Variants in BIRC6 observed in about 807,000 individuals in gnomAD.
BIRC6 encodes the protein dual E2 ubiquitin-conjugating enzyme/E3 ubiquitin-protein ligase BIRC6.
Under a neutral mutation model 503.3 loss-of-function variants are expected in BIRC6, and 98 were observed. The ratio of observed to expected loss-of-function variants is 0.19; its 90% CI spans 0.17 to 0.23. The LOEUF (loss-of-function observed/expected upper bound fraction) is 0.23. BIRC6 is among the 10% of genes least tolerant of loss of function. The probability of loss-of-function intolerance (pLI) is 1.00; values close to 1 mark genes in which losing one functional copy is unlikely to be tolerated. For missense variants in BIRC6, 5,360 were observed against 5,806.0 expected (o/e 0.92, Z 2.50); for synonymous variants, 2,240 against 2,078.7 (o/e 1.08, Z -2.11).
intron 10 of BIRC6, among the ~76,000 whole-genome samples, chr2:32,424,609 G>A (rs1166736091): frequency 2.6e-5 from 4 of 151,158 alleles, no homozygotes; most frequent in East Asian, 1.9e-4. Flanking sequence ...TTGCCTCCCC[G>A]GCTCTAGTGA....
At chr2:32,475,069 G>T (rs954350555) in intron 33 of BIRC6, among the ~76,000 whole-genome samples, 1 of 150,594 alleles carries the variant, frequency 6.6e-6, no homozygotes, top group Non-Finnish European at 1.5e-5. Context: ...GGAGGATGAG[G>T]CAGGAGAATC....
At chr2:32,380,927 G>A (rs1285537878) in intron 3 of BIRC6, among the ~76,000 whole-genome samples, 1 of 152,092 alleles carries the variant, frequency 6.6e-6, no homozygotes, top group African/African-American at 2.4e-5. Flanking sequence ...GATAAGAATG[G>A]ACTATGTCTT....
intron 17 of BIRC6, among the ~76,000 whole-genome samples, chr2:32,441,852 A>T (rs893581398): frequency 6.6e-6 from 1 of 152,228 alleles, no homozygotes; most frequent in African/African-American, 2.4e-5. Flanking sequence ...AAAAGAAATT[A>T]TACACATTCC....
At chr2:32,428,732 A>C (rs958450496) in intron 10 of BIRC6, among the ~76,000 whole-genome samples, 1 of 152,224 alleles carries the variant, frequency 6.6e-6, no homozygotes, top group Non-Finnish European at 1.5e-5. Context: ...TTTAAAAAAT[A>C]AGAGTATTTG....
chr2:32,422,009 G>A lies in BIRC6; in HGVS notation c.2872+5846G>A, dbSNP rs193242072. On this transcript the variant is annotated intron_variant, in intron 10 of 73. Coordinates refer to ENST00000421745, the MANE Select transcript of BIRC6 (RefSeq NM_016252.4). ...TGACTTTTGGCTCTTTTGTTAGACT[G>A]TTTCATAATTGTTACATCGTTCTGA... Among the ~76,000 whole-genome samples the A allele has an allele frequency of 2.0e-5, 3 of 152,158 alleles. No individual in the cohort carries two copies. In the East Asian group the frequency reaches 5.8e-4, roughly 29 times the overall value.
At chr2:32,586,378 A>G (rs184687200) in intron 66 of BIRC6, among the ~76,000 whole-genome samples, 2 of 149,744 alleles carry the variant, frequency 1.3e-5, no homozygotes, top group East Asian at 3.9e-4. Flanking sequence ...TTTATGTTTC[A>G]CGACAGTTTT....
chr2:32,525,296 T>C (rs1447011993), intron 58 of BIRC6, among the ~76,000 whole-genome samples, 168 bp from the exon 59 acceptor site: 1 of 152,242 alleles, frequency 6.6e-6, no homozygotes, highest in African/African-American at 2.4e-5. Context: ...TTATTTGTTG[T>C]CATGAAGGAC....
chr2:32,500,159 GTTTT>G (rs749882149), intron 46 of BIRC6, 50 bp downstream of exon 46: 1 of 1,428,624 alleles, frequency 7.0e-7, no homozygotes, highest in Non-Finnish European at 9.4e-7. Flanking sequence ...ACTATAACTG[GTTTT>G]TTTTTAAGCA....
chr2:32,543,556 T>G lies in BIRC6; in HGVS notation c.12592+15T>G. On this transcript the variant is annotated intron_variant, in intron 62 of 73. Coordinates refer to ENST00000421745, the MANE Select transcript of BIRC6 (RefSeq NM_016252.4). ...TGGAGAAGGAAGTAAGTGTTTAGTA[T>G]TAAATTTATCAACACATATGTGAAT... 6.2e-7 allele frequency: 1 copy of G among 1,608,000 alleles called. No individual in the cohort carries two copies. The highest frequency in any genetic ancestry group is 1.1e-5 in the South Asian group (1 of 90,874).
intron 61 of BIRC6, 149 bp from the exon 62 acceptor site, chr2:32,543,092 G>A (rs2057798921): frequency 6.5e-6 from 6 of 917,396 alleles, no homozygotes; most frequent in South Asian, 1.8e-5. Flanking sequence ...GAGCCACTGC[G>A]CCCGGCTGGA....
chr2:32,532,980 TA>T (rs200062025), intron 61 of BIRC6, among the ~76,000 whole-genome samples: 11 of 150,412 alleles, frequency 7.3e-5, no homozygotes, highest in African/African-American at 2.2e-4. Context: ...TAGCATGATT[TA>T]AAAAAAAAAT....
chr2:32,467,943 C>G lies in BIRC6; in HGVS notation c.5612C>G (p.Ala1871Gly). Residue 1871 changes from alanine (A) to glycine (G), a missense_variant, in exon 28 of 74, where the codon GCC becomes GGC. Around this residue, in one of 16 missense-constraint regions of BIRC6, gnomAD observed 2,299 missense variants for 2,267.2 expected, o/e 1.01. Transcript: ENST00000421745. Reference sequence around the variant, plus strand: ...CGTTACGGGAGTACAAATGCCAGAGCCAAAATCCCATTAGGATTTTACTAT... The same window carrying G: ...CGTTACGGGAGTACAAATGCCAGAGGCAAAATCCCATTAGGATTTTACTAT... ...IGRYGSTNAR[A>G]KIPLGFYYGH... 3 of 1,613,548 alleles carry G rather than the reference C, an allele frequency of 1.9e-6. No individual in the cohort carries two copies. Among genetic ancestry groups the G allele is most frequent in the Non-Finnish European group, 2.5e-6 (3 of 1,179,726 alleles).
Position 32,443,528 on chromosome 2 carries a change from C to T in BIRC6, c.4276C>T (p.Pro1426Ser), listed in dbSNP as rs139377173. ...KCDPCQPAFG[P>S]VLLKALLDNM... ...TGACCCATGTCAACCAGCATTTGGA[C>T]CTGTTCTGTTGAAGGCTTTACTTGA... Residue 1426 changes from proline (P) to serine (S), a missense_variant, in exon 20 of 74, where the codon CCT becomes TCT. Coordinates refer to ENST00000421745, the MANE Select transcript of BIRC6 (RefSeq NM_016252.4). 2 of 1,609,500 alleles carry T rather than the reference C, an allele frequency of 1.2e-6. No individual in the cohort carries two copies. Among genetic ancestry groups the T allele is most frequent in the Non-Finnish European group, 1.7e-6 (2 of 1,177,918 alleles).
Position 32,531,257 on chromosome 2 carries a change from G to GT in BIRC6, c.12095-97dup, listed in dbSNP as rs2150023694. ...AATGATGTTTTGTGCTCTTTTTTGAGTAGCAAGAAAGCAGTAATACCTGCT... is the reference window on the plus strand; with the variant it reads ...AATGATGTTTTGTGCTCTTTTTTGAGTTAGCAAGAAAGCAGTAATACCTGCT... On this transcript the variant is annotated intron_variant, in intron 60 of 73. Coordinates refer to ENST00000421745, the MANE Select transcript of BIRC6 (RefSeq NM_016252.4). 4 of 999,166 alleles carry GT rather than the reference G, an allele frequency of 4.0e-6. No individual in the cohort carries two copies. The East Asian group carries it at 1.1e-4, about 26-fold the overall frequency. The allele number at this position is 999,166 out of a possible 1,614,324, so 61.9% of individuals were successfully genotyped here.
Position 32,563,157 on chromosome 2 carries a change from G to A in BIRC6, c.13145-11999G>A, listed in dbSNP as rs1196692993. On this transcript the variant is annotated intron_variant, in intron 65 of 73. Transcript: ENST00000421745. ...GTTGGAACAATGTGTCCTCTGTTCT[G>A]TTTCTCTTTGTATGTTACATGAAGA... 3.3e-5 allele frequency among the ~76,000 whole-genome samples: 5 copies of A among 152,112 alleles called. No homozygotes were observed. The East Asian group carries it at 5.8e-4, about 18-fold the overall frequency.
rs1408865634 is a variant in BIRC6, at chr2:32,525,003, T to G, written c.11739T>G (p.Ser3913Arg). 6.4e-7 allele frequency: 1 copy of G among 1,559,778 alleles called. No homozygotes were observed. The highest frequency in any genetic ancestry group is 8.6e-7 in the Non-Finnish European group (1 of 1,157,766). Residue 3913 changes from serine (S) to arginine (R), a missense_variant, in exon 58 of 74, where the codon AGT (serine) becomes AGG (arginine). Physicochemically the swap from Ser to Arg is moderately radical, Grantham distance 110 (BLOSUM62 -1). This residue lies in a region of BIRC6 where 878 missense variants were observed against 928.9 expected (regional missense o/e 0.95). Transcript: ENST00000421745. ...AAAATGGATTTCAAGACAATTACAG[T>G]GTTGTTGTTGCCTCTGGTATGCTTT... is the stretch of plus-strand genomic sequence containing the variant. ...KAENGFQDNY[S>R]VVVASGLKSQ...
intron 61 of BIRC6, among the ~76,000 whole-genome samples, chr2:32,534,399 T>C (rs1413283997): frequency 6.9e-6 from 1 of 145,184 alleles, no homozygotes; most frequent in Admixed American, 6.9e-5. Flanking sequence ...AAAGAGACAC[T>C]GCAGATTGCA....
chr2:32,583,884 C>G (rs978078743), intron 66 of BIRC6, among the ~76,000 whole-genome samples: 5 of 152,170 alleles, frequency 3.3e-5, no homozygotes, highest in African/African-American at 1.2e-4. Flanking sequence ...GCTCCCGCCA[C>G]CACGCCCGGC....
In BIRC6 at chr2:32,518,953, C is replaced by G. The variant is rs2055348701; in HGVS notation, c.11623+7C>G. The G allele has an allele frequency of 6.2e-7, 1 of 1,611,702 alleles. No individual in the cohort carries two copies. ...GTTCTTGACAGAGTGTCAGGCAAGT[C>G]AGATTTAAGTATTAGTTTTTGTTTA... is the stretch of plus-strand genomic sequence containing the variant. On this transcript the variant is annotated splice_region_variant and intron_variant, in intron 57 of 73. Transcript: ENST00000421745.
Sources: gnomAD v4.1 joint callset for allele counts (sites outside exome capture counted in the v4.1 genomes callset) on GRCh38, gnomAD v4.1.1 for gene constraint, gnomAD v4.1.1 regional missense constraint, MANE v1.5 for transcripts, NCBI Gene and HGNC (gene_info 2026-07-23, HGNC 2026-07-21) for gene names.